CNTN5: variants seen among roughly 807,000 people sequenced by gnomAD.
CNTN5 encodes the protein contactin-5.
In CNTN5, 77 loss-of-function variants were observed where a neutral mutation model predicts 129.1. The ratio of observed to expected loss-of-function variants is 0.60; its 90% CI spans 0.50 to 0.72. The LOEUF (loss-of-function observed/expected upper bound fraction) is 0.72, where lower values mean the gene tolerates loss of function less well. Among genes scored for constraint, CNTN5 ranks in the 30% least tolerant of loss-of-function variants. The pLI, the probability that CNTN5 is intolerant of heterozygous loss-of-function variation, is 0.00. For synonymous variants in CNTN5, 509 were observed against 465.6 expected (o/e 1.09, Z -1.20); for missense variants, 1,478 against 1,328.8 (o/e 1.11, Z -1.75).
chr11:100,292,033 G>T (rs2138865391), intron 18 of CNTN5, among the ~76,000 whole-genome samples: 1 of 151,992 alleles, frequency 6.6e-6, no homozygotes, highest in South Asian at 2.1e-4. Flanking sequence ...AAAAATTCCA[G>T]TTTAATTTAA....
intron 1 of CNTN5, among the ~76,000 whole-genome samples, chr11:99,192,111 G>C (rs1858674345): frequency 6.6e-6 from 1 of 151,412 alleles, no homozygotes; most frequent in African/African-American, 2.4e-5. Context: ...ATTTGTAAAA[G>C]TCAGCATGCT....
At chr11:99,731,563 G>A (rs1267200065) in intron 3 of CNTN5, among the ~76,000 whole-genome samples, 2 of 152,160 alleles carry the variant, frequency 1.3e-5, no homozygotes, top group African/African-American at 4.8e-5. Flanking sequence ...GAGGATAGCA[G>A]TGCTATATCA....
chr11:99,613,307 A>AG (rs1200896820), intron 3 of CNTN5, among the ~76,000 whole-genome samples: 1 of 152,140 alleles, frequency 6.6e-6, no homozygotes, highest in African/African-American at 2.4e-5. Flanking sequence ...TGGTTTTATA[A>AG]GGGGCTCTTC....
intron 3 of CNTN5, among the ~76,000 whole-genome samples, chr11:99,749,511 T>C (rs967245870): frequency 1.3e-5 from 2 of 152,234 alleles, no homozygotes; most frequent in African/African-American, 4.8e-5. Flanking sequence ...AGATATTCTT[T>C]TTAAATACTT....
chr11:99,815,543 C>A (rs1051767703), intron 3 of CNTN5, among the ~76,000 whole-genome samples: 1 of 152,072 alleles, frequency 6.6e-6, no homozygotes, highest in African/African-American at 2.4e-5. Context: ...GCTTATTTGT[C>A]AAATAGAATG....
At chr11:100,030,124 C>T (rs1370350067) in intron 9 of CNTN5, among the ~76,000 whole-genome samples, 1 of 152,052 alleles carries the variant, frequency 6.6e-6, no homozygotes. Flanking sequence ...CCTGTAATCC[C>T]AGCACTTTGG....
At chr11:99,092,667 T>A (rs2135322747) in intron 1 of CNTN5, among the ~76,000 whole-genome samples, 1 of 152,202 alleles carries the variant, frequency 6.6e-6, no homozygotes, top group Non-Finnish European at 1.5e-5. Flanking sequence ...TCATTAAAAT[T>A]ATGATACTTA....
At chr11:100,149,023 C>T (rs999576779) in intron 13 of CNTN5, among the ~76,000 whole-genome samples, 1 of 152,040 alleles carries the variant, frequency 6.6e-6, no homozygotes, top group Non-Finnish European at 1.5e-5. Context: ...CACTTGAAAA[C>T]CAGGGGGCAG....
intron 1 of CNTN5, among the ~76,000 whole-genome samples, chr11:99,059,618 C>T (rs1864791294): frequency 6.6e-6 from 1 of 152,002 alleles, no homozygotes; most frequent in Admixed American, 6.6e-5. Context: ...AGAGTCCTTG[C>T]TGCCAAGTGT....
At chr11:99,057,130 ATGGT>A (rs1192363615) in intron 1 of CNTN5, among the ~76,000 whole-genome samples, 1 of 152,022 alleles carries the variant, frequency 6.6e-6, no homozygotes, top group East Asian at 1.9e-4. Context: ...CTTGGGATAG[ATGGT>A]TGGATTACCT....
chr11:99,884,153 A>G (rs1456358331), intron 6 of CNTN5, among the ~76,000 whole-genome samples: 1 of 152,206 alleles, frequency 6.6e-6, no homozygotes, highest in Non-Finnish European at 1.5e-5. Context: ...AATTCTATAT[A>G]GACCTCAGAA....
At chr11:99,265,766 G>A (rs897801025) in intron 1 of CNTN5, among the ~76,000 whole-genome samples, 18 of 151,820 alleles carry the variant, frequency 1.2e-4, no homozygotes, top group South Asian at 4.2e-4. Flanking sequence ...GCTCCCCACC[G>A]ATCACCATAA....
intron 6 of CNTN5, among the ~76,000 whole-genome samples, chr11:99,881,942 A>G (rs2135861424): frequency 6.6e-6 from 1 of 152,296 alleles, no homozygotes; most frequent in East Asian, 1.9e-4. Context: ...ATTACTGTTG[A>G]TCAAATATAG....
chr11:99,346,849 C>T (rs1265067313), intron 2 of CNTN5, among the ~76,000 whole-genome samples: 4 of 152,300 alleles, frequency 2.6e-5, no homozygotes, highest in African/African-American at 9.6e-5. Flanking sequence ...ATCCACAAAT[C>T]AGAAAGGAAA....
At chr11:100,232,125 G>A (rs1394905789) in intron 16 of CNTN5, among the ~76,000 whole-genome samples, 1 of 152,116 alleles carries the variant, frequency 6.6e-6, no homozygotes, top group Non-Finnish European at 1.5e-5. Context: ...CTGCACTCCA[G>A]CCTGGCCAAC....
chr11:99,586,191 C>A (rs9326283), intron 3 of CNTN5, among the ~76,000 whole-genome samples: 11,839 of 152,136 alleles, frequency 0.078, 720 homozygotes, highest in African/African-American at 0.17. Flanking sequence ...AATCTGCTGA[C>A]TGATTAACCC....
chr11:99,551,900 T>C (rs975294570), intron 2 of CNTN5, among the ~76,000 whole-genome samples: 4 of 151,570 alleles, frequency 2.6e-5, no homozygotes, highest in Non-Finnish European at 5.9e-5. Flanking sequence ...TAAGAAACAC[T>C]GAGTTTTTTC....
chr11:99,723,604 T>C (rs1943243009), intron 3 of CNTN5, among the ~76,000 whole-genome samples: 1 of 152,194 alleles, frequency 6.6e-6, no homozygotes. Context: ...ATATGTTACA[T>C]ATTTTCCTTA....
rs1250435711 is a variant in CNTN5, at chr11:100,271,197, G to C, written c.2270G>C (p.Gly757Ala). 6.2e-7 allele frequency: 1 copy of C among 1,612,520 alleles called. No individual in the cohort carries two copies. The highest frequency in any genetic ancestry group is 1.3e-5 in the African/African-American group (1 of 74,840). ...GTAGCCACCAACCCTATTGGGACAG[G>C]AGATCCAAGCACCCCATCTCGAATG... ...RVVATNPIGTGDPSTPSRMIR... is the reference protein window; with the variant it reads ...RVVATNPIGTADPSTPSRMIR... Residue 757 changes from glycine (G) to alanine (A), a missense_variant, in exon 18 of 25, where the codon GGA becomes GCA. Transcript: ENST00000524871.
Sources: allele counts gnomAD v4.1 joint callset (sites outside exome capture counted in the v4.1 genomes callset), GRCh38; gene constraint gnomAD v4.1.1; transcripts MANE v1.5; gene names NCBI Gene and HGNC (gene_info 2026-07-23, HGNC 2026-07-21).